Variants in DNM3 observed in about 807,000 individuals in gnomAD.
DNM3 encodes dynamin 3, also known as dynamin-3.
A neutral mutation model predicts 101.6 loss-of-function variants in DNM3; 47 were observed. The observed-to-expected ratio is 0.46, with a 90% CI of 0.37 to 0.59. The LOEUF is 0.59. DNM3 is among the 20% of genes least tolerant of loss of function. DNM3 has a pLI of 0.00. For synonymous variants in DNM3, 385 were observed against 387.9 expected (o/e 0.99, Z 0.09); for missense variants, 849 against 1,085.7 (o/e 0.78, Z 3.06).
At chr1:172,266,640 G>A (rs1264354480) in intron 15 of DNM3, among the ~76,000 whole-genome samples, 1 of 152,120 alleles carries the variant, frequency 6.6e-6, no homozygotes, top group Non-Finnish European at 1.5e-5. Flanking sequence ...GATTCAGGAA[G>A]GTTTTTATTT....
chr1:172,119,648 C>T (rs2056171564), intron 13 of DNM3, among the ~76,000 whole-genome samples: 1 of 152,106 alleles, frequency 6.6e-6, no homozygotes, highest in South Asian at 2.1e-4. Context: ...CACCTGCAAA[C>T]AACAATTCAC....
chr1:171,858,930 A>G (rs742510), intron 1 of DNM3, among the ~76,000 whole-genome samples: 88,683 of 151,998 alleles, frequency 0.58, 26,092 homozygotes, highest in East Asian at 0.8. Flanking sequence ...CTTCTGGACT[A>G]TAACAATAGA....
intron 2 of DNM3, among the ~76,000 whole-genome samples, chr1:171,930,720 G>A (rs1038963646): frequency 6.6e-6 from 1 of 152,090 alleles, no homozygotes; most frequent in Non-Finnish European, 1.5e-5. Context: ...CGTTCTCCAC[G>A]GGTCAAGTTG....
intron 2 of DNM3, among the ~76,000 whole-genome samples, chr1:171,958,388 G>A (rs1425400215): frequency 2.6e-5 from 4 of 152,210 alleles, no homozygotes; most frequent in Admixed American, 2.0e-4. Flanking sequence ...TTATGTGTAT[G>A]TGTATGTATG....
At chr1:172,131,434 T>G in intron 14 of DNM3, 146 bp downstream of exon 14, 1 of 655,776 alleles carries the variant, frequency 1.5e-6, no homozygotes, top group South Asian at 2.5e-5. Context: ...AAAGGCACTA[T>G]TATTTTCTTA....
intron 16 of DNM3, chr1:172,309,818 G>A (rs1430536499): frequency 6.6e-6 from 1 of 152,126 alleles, no homozygotes; most frequent in Admixed American, 6.5e-5. Flanking sequence ...CACATCTCTG[G>A]GGTTATACTA....
At chr1:172,132,428 G>A (rs879852646) in intron 14 of DNM3, among the ~76,000 whole-genome samples, 3 of 152,066 alleles carry the variant, frequency 2.0e-5, no homozygotes, top group Non-Finnish European at 4.4e-5. Context: ...AAGTAGATTT[G>A]GTCACTGTGA....
intron 14 of DNM3, among the ~76,000 whole-genome samples, chr1:172,195,530 A>G (rs2148461141): frequency 6.6e-6 from 1 of 151,930 alleles, no homozygotes; most frequent in East Asian, 1.9e-4. Flanking sequence ...CTAGTGTCTC[A>G]CCATTAAGTA....
intron 17 of DNM3, among the ~76,000 whole-genome samples, chr1:172,348,188 T>C (rs944276988): frequency 5.3e-5 from 8 of 152,164 alleles, no homozygotes; most frequent in African/African-American, 1.9e-4. Flanking sequence ...GGATTATAGT[T>C]AATCCAATTC....
intron 2 of DNM3, among the ~76,000 whole-genome samples, chr1:171,973,074 G>C (rs2044129672): frequency 2.0e-5 from 3 of 152,180 alleles, no homozygotes; most frequent in Admixed American, 2.0e-4. Flanking sequence ...ATAAAGAGTA[G>C]GAGATATGAT....
At chr1:172,173,557 G>A (rs1043467522) in intron 14 of DNM3, among the ~76,000 whole-genome samples, 7 of 149,354 alleles carry the variant, frequency 4.7e-5, no homozygotes. Context: ...TCAAACTCCT[G>A]ACATCAAGCA....
chr1:171,942,773 G>A (rs2041907199), intron 2 of DNM3, among the ~76,000 whole-genome samples: 1 of 152,142 alleles, frequency 6.6e-6, no homozygotes, highest in East Asian at 1.9e-4. Context: ...CTGAAAGGGT[G>A]ATCCAAGTGG....
chr1:171,962,660 A>T (rs1277237511), intron 2 of DNM3, among the ~76,000 whole-genome samples: 1 of 152,172 alleles, frequency 6.6e-6, no homozygotes, highest in East Asian at 1.9e-4. Context: ...AGAGACCACT[A>T]TAAGAAGATT....
intron 2 of DNM3, among the ~76,000 whole-genome samples, chr1:171,965,084 G>A (rs955214600): frequency 6.6e-6 from 1 of 152,100 alleles, no homozygotes; most frequent in Non-Finnish European, 1.5e-5. Context: ...GAGTTCAAAT[G>A]CCAATCTCAA....
chr1:172,323,476 A>T lies in DNM3; in HGVS notation c.1893+136A>T, dbSNP rs1372801584. 9.5e-6 allele frequency: 10 copies of T among 1,051,248 alleles called. No homozygotes were observed. The Admixed American group carries it at 1.7e-4, about 18-fold the overall frequency. The allele number at this position is 1,051,248 out of a possible 1,614,324, so 65.1% of individuals were successfully genotyped here. ...AGTGCACGAATTATATGGGGTGTGCAAATTTGGGGGAAAATGTGCATTTGC... is the reference window on the plus strand; with the variant it reads ...AGTGCACGAATTATATGGGGTGTGCTAATTTGGGGGAAAATGTGCATTTGC... On this transcript the variant is annotated intron_variant, in intron 17 of 20. Transcript: ENST00000627582.
chr1:171,912,766 T>C (rs796095046), intron 1 of DNM3, among the ~76,000 whole-genome samples: 9 of 152,340 alleles, frequency 5.9e-5, no homozygotes, highest in African/African-American at 2.2e-4. Flanking sequence ...GATTGATTTG[T>C]CTATTAAAGT....
chr1:171,884,772 G>C (rs2036616306), intron 1 of DNM3, among the ~76,000 whole-genome samples: 1 of 152,196 alleles, frequency 6.6e-6, no homozygotes, highest in South Asian at 2.1e-4. Context: ...AGCATCAACA[G>C]AGCATATCCT....
chr1:172,414,902 TAAAAA>T (rs138381362), downstream of DNM3, among the ~76,000 whole-genome samples: 88 of 119,254 alleles, frequency 7.4e-4, no homozygotes, highest in Admixed American at 6.3e-4. Flanking sequence ...ACCTCATCTC[TAAAAA>T]AAAAAAAAAA....
intron 20 of DNM3, among the ~76,000 whole-genome samples, chr1:172,390,481 T>G (rs1455808983): frequency 6.6e-6 from 1 of 152,154 alleles, no homozygotes; most frequent in Non-Finnish European, 1.5e-5. Context: ...AGGGCTGTCC[T>G]GTGTATTGTA....
Sources: allele counts gnomAD v4.1 joint callset (sites outside exome capture counted in the v4.1 genomes callset), GRCh38; gene constraint gnomAD v4.1.1; transcripts MANE v1.5; gene names NCBI Gene and HGNC (gene_info 2026-07-23, HGNC 2026-07-21).